The following ATAD2B variants were observed in gnomAD, a reference collection of about 807,000 sequenced individuals.
ATAD2B encodes the protein ATPase family AAA domain containing 2B.
In ATAD2B, 40 loss-of-function variants were observed where a neutral mutation model predicts 167.6. The observed-to-expected ratio is 0.24, with a 90% CI of 0.19 to 0.31. The LOEUF is 0.31. ATAD2B is among the 10% of genes least tolerant of loss of function. ATAD2B has a pLI of 1.00. For missense variants in ATAD2B, 1,242 were observed against 1,757.2 expected (o/e 0.71, Z 5.24); for synonymous variants, 579 against 596.5 (o/e 0.97, Z 0.43).
At chr2:23,776,722 G>A (rs1679193450) in intron 22 of ATAD2B, among the ~76,000 whole-genome samples, 1 of 152,106 alleles carries the variant, frequency 6.6e-6, no homozygotes, top group African/African-American at 2.4e-5. Context: ...TTATGACACT[G>A]TCTTATAATC....
intron 1 of ATAD2B, among the ~76,000 whole-genome samples, chr2:23,914,834 C>T (rs1345117006): frequency 5.3e-5 from 8 of 150,056 alleles, no homozygotes; most frequent in Non-Finnish European, 1.0e-4. Context: ...CAGCGAGACT[C>T]CGTCTCAAAA....
At position 23,798,168 on chromosome 2, in the gene ATAD2B, A is replaced by G. The variant is rs761880833; in HGVS notation, c.2610T>C (p.Ser870=). Residue 870 remains serine, a synonymous_variant, in exon 19 of 28, where the codon TCT becomes TCC. Transcript: ENST00000238789. The part of the protein sequence containing the change: ...SFSPIFLLST[S]ETMYSELPEE... ...CAGGCAGTTCACTGTACATGGTTTCAGAGGTAGACAATAAAAATATAGGTG... is the reference window on the plus strand; with the variant it reads ...CAGGCAGTTCACTGTACATGGTTTCGGAGGTAGACAATAAAAATATAGGTG... The G allele has an allele frequency of 6.3e-7, 1 of 1,593,732 alleles. No homozygotes were observed. The highest frequency in any genetic ancestry group is 2.2e-5 in the East Asian group (1 of 44,518).
intron 1 of ATAD2B, among the ~76,000 whole-genome samples, chr2:23,902,609 T>G (rs555395927): frequency 6.6e-5 from 10 of 152,202 alleles, no homozygotes; most frequent in Non-Finnish European, 4.4e-5. Context: ...TAAAAGATTA[T>G]GCAATCTACC....
chr2:23,741,111 A>C, the ATAD2B span, among the ~76,000 whole-genome samples: 9 of 152,080 alleles, frequency 5.9e-5, no homozygotes, highest in African/African-American at 1.7e-4. Context: ...CAATATCGTG[A>C]AAATGGCCAT....
intron 2 of ATAD2B, among the ~76,000 whole-genome samples, chr2:23,893,108 T>C (rs1699759986): frequency 6.6e-6 from 1 of 152,190 alleles, no homozygotes. Flanking sequence ...AAAAGAAAAC[T>C]CATAATCTAT....
rs143195777 is a variant in ATAD2B, at chr2:23,918,487, C to T, written c.216+8068G>A. ...TATATAATATTAAGGAAAAATACTG[C>T]AAAAACAATCTCTGTACAATATGCC... On this transcript the variant is annotated intron_variant, in intron 1 of 27. Coordinates refer to ENST00000238789, the MANE Select transcript of ATAD2B (RefSeq NM_017552.4). 1.4e-3 allele frequency among the ~76,000 whole-genome samples: 207 copies of T among 152,036 alleles called. 1 individual carries two copies. Among genetic ancestry groups the T allele is most frequent in the African/African-American group, 4.8e-3 (201 of 41,498 alleles).
chr2:23,761,130 A>G (rs2712068), intron 24 of ATAD2B, among the ~76,000 whole-genome samples: 24,723 of 152,246 alleles, frequency 0.16, 2,097 homozygotes, highest in Middle Eastern at 0.26. Flanking sequence ...AGAGTACTAC[A>G]TTACACAATC....
At chr2:23,691,621 C>CTA in the ATAD2B span, 1 of 1,466,812 alleles carries the variant, frequency 6.8e-7, no homozygotes. Context: ...TGTGAGGAAG[C>CTA]GGCACGGTGG....
At chr2:23,777,419 G>C (rs1679331324) in intron 22 of ATAD2B, among the ~76,000 whole-genome samples, 2 of 149,194 alleles carry the variant, frequency 1.3e-5, no homozygotes, top group Non-Finnish European at 3.0e-5. Flanking sequence ...AATTGTCAGA[G>C]TCATCTTTGT....
chr2:23,852,854 G>T (rs1192273884), intron 13 of ATAD2B, among the ~76,000 whole-genome samples: 4 of 151,892 alleles, frequency 2.6e-5, no homozygotes, highest in Non-Finnish European at 4.4e-5. Context: ...AGGAGGTGGA[G>T]GTTGCAGTGA....
intron 12 of ATAD2B, among the ~76,000 whole-genome samples, chr2:23,859,356 C>T (rs1693970971): frequency 6.6e-6 from 1 of 152,018 alleles, no homozygotes; most frequent in South Asian, 2.1e-4. Context: ...CTCACCCAGG[C>T]TGGAGTGCAG....
downstream of ATAD2B, among the ~76,000 whole-genome samples, chr2:23,745,572 C>T (rs1375997541): frequency 6.6e-6 from 1 of 152,132 alleles, no homozygotes; most frequent in Non-Finnish European, 1.5e-5. Flanking sequence ...GATAGGACCC[C>T]CCAACCTGAT....
intron 23 of ATAD2B, among the ~76,000 whole-genome samples, chr2:23,765,039 T>C (rs1397262544): frequency 3.3e-5 from 5 of 152,234 alleles, no homozygotes; most frequent in African/African-American, 1.2e-4. Context: ...AAAATGTGAG[T>C]TCCTCAAGGA....
chr2:23,918,457 A>G (rs1316138630), intron 1 of ATAD2B, among the ~76,000 whole-genome samples: 1 of 152,144 alleles, frequency 6.6e-6, no homozygotes, highest in Non-Finnish European at 1.5e-5. Flanking sequence ...ATATAAATAT[A>G]CACATATATA....
In ATAD2B at chr2:23,823,376, T is replaced by C. The variant is rs757747039; in HGVS notation, c.2013A>G (p.Ser671=). Residue 671 remains serine, a synonymous_variant, in exon 16 of 28, where the codon TCA becomes TCG. Coordinates refer to ENST00000238789, the MANE Select transcript of ATAD2B (RefSeq NM_017552.4). ...TTATGATGGGGGATAGTGCATGCCC[T>C]GAAGACATCACAGCACGTTGGGAAG... ...VPASQRAVMS[S]GHALSPIIRP... 2 of 1,613,974 alleles carry C rather than the reference T, an allele frequency of 1.2e-6. No homozygotes were observed. The highest frequency in any genetic ancestry group is 2.2e-5 in the East Asian group (1 of 44,890).
chr2:23,791,596 T>C (rs981788287), intron 19 of ATAD2B, among the ~76,000 whole-genome samples: 2 of 152,292 alleles, frequency 1.3e-5, no homozygotes, highest in East Asian at 3.9e-4. Context: ...CATACACTTA[T>C]CATCCATTTA....
chr2:23,787,464 C>T (rs953977287), intron 20 of ATAD2B, among the ~76,000 whole-genome samples: 2 of 151,806 alleles, frequency 1.3e-5, no homozygotes, highest in Non-Finnish European at 2.9e-5. Flanking sequence ...ACAAAATAAA[C>T]ATAAATAAGG....
chr2:23,914,304 C>T (rs754576159), intron 1 of ATAD2B, among the ~76,000 whole-genome samples: 34 of 151,952 alleles, frequency 2.2e-4, no homozygotes, highest in Non-Finnish European at 4.0e-4. Flanking sequence ...AAACAGTATC[C>T]TTTAGTGTGG....
chr2:23,913,078 A>C (rs1702535091), intron 1 of ATAD2B, among the ~76,000 whole-genome samples: 1 of 152,244 alleles, frequency 6.6e-6, no homozygotes, highest in Non-Finnish European at 1.5e-5. Flanking sequence ...ATAAGTTCAC[A>C]TTATAACCCA....
Sources: gnomAD v4.1 joint callset for allele counts (sites outside exome capture counted in the v4.1 genomes callset) on GRCh38, gnomAD v4.1.1 for gene constraint, MANE v1.5 for transcripts, NCBI Gene and HGNC (gene_info 2026-07-23, HGNC 2026-07-21) for gene names.